Variants in SRGAP1 observed in about 807,000 individuals in gnomAD.
SRGAP1 encodes SLIT-ROBO Rho GTPase-activating protein 1.
A neutral mutation model predicts 121.9 loss-of-function variants in SRGAP1; 43 were observed. The observed-to-expected ratio is 0.35, with a 90% CI of 0.28 to 0.46. The LOEUF is 0.46. Among genes scored for constraint, SRGAP1 ranks in the 20% least tolerant of loss-of-function variants. The probability of loss-of-function intolerance (pLI) is 1.00; values close to 1 mark genes in which losing one functional copy is unlikely to be tolerated. For missense variants in SRGAP1, 1,102 were observed against 1,350.9 expected (o/e 0.82, Z 2.89); for synonymous variants, 447 against 485.4 (o/e 0.92, Z 1.04).
intron 3 of SRGAP1, among the ~76,000 whole-genome samples, chr12:64,012,176 G>A (rs987090135): frequency 2.6e-5 from 4 of 152,140 alleles, no homozygotes; most frequent in Admixed American, 2.6e-4. Context: ...AAAACTTTGA[G>A]ACTGTTCATT....
intron 3 of SRGAP1, among the ~76,000 whole-genome samples, chr12:63,993,029 T>G (rs904520803): frequency 6.6e-6 from 1 of 152,210 alleles, no homozygotes; most frequent in African/African-American, 2.4e-5. Context: ...TCTGTGTTAT[T>G]GCTGGAAGAG....
At chr12:64,118,694 A>G (rs1288263887) in intron 18 of SRGAP1, among the ~76,000 whole-genome samples, 2 of 151,262 alleles carry the variant, frequency 1.3e-5, no homozygotes, top group African/African-American at 4.9e-5. Flanking sequence ...GGCTGTTTAT[A>G]TGTCTTCTTT....
chr12:63,946,598 C>T (rs2032056738), intron 1 of SRGAP1, among the ~76,000 whole-genome samples: 1 of 150,576 alleles, frequency 6.6e-6, no homozygotes, highest in South Asian at 2.1e-4. Context: ...CGCTGGAGTG[C>T]AGTGGTGGGA....
chr12:64,095,330 A>C (rs1170557165), intron 14 of SRGAP1, 126 bp downstream of exon 14: 1 of 732,040 alleles, frequency 1.4e-6, no homozygotes, highest in African/African-American at 1.8e-5. Context: ...TTAGGGGTGC[A>C]GCAGTAAGAA....
intron 1 of SRGAP1, among the ~76,000 whole-genome samples, chr12:63,939,695 CAGG>C (rs1344769260): frequency 6.6e-6 from 1 of 152,136 alleles, no homozygotes; most frequent in Non-Finnish European, 1.5e-5. Flanking sequence ...AGTTGTTTCT[CAGG>C]AGAAGAAGAA....
intron 3 of SRGAP1, among the ~76,000 whole-genome samples, chr12:63,999,634 A>G (rs1232630116): frequency 6.6e-6 from 1 of 152,140 alleles, no homozygotes; most frequent in Admixed American, 6.6e-5. Flanking sequence ...TAGGCGTCAT[A>G]TGAGAGGAGA....
intron 1 of SRGAP1, among the ~76,000 whole-genome samples, chr12:63,891,963 G>A (rs1473530520): frequency 6.8e-6 from 1 of 146,064 alleles, no homozygotes; most frequent in Non-Finnish European, 1.5e-5. Context: ...TCCATCCTGG[G>A]CCACAGAGCA....
rs1267605177 is a variant in SRGAP1 at position 64,150,950 on chromosome 12, A to AAAAAAAAAC, written c.*8286_*8287insCAAAAAAAA. ...AAGCTATCTCAAAAAAAAAAAAAAA[A>AAAAAAAAAC]AAAAAAAAAACATGGTCAAGATTTG... On this transcript the variant is annotated 3_prime_UTR_variant, in exon 22 of 22. Transcript: ENST00000355086. 1 of 148,466 alleles carries AAAAAAAAAC rather than the reference A, an allele frequency of 6.7e-6. No homozygotes were observed. Among genetic ancestry groups the AAAAAAAAAC allele is most frequent in the East Asian group, 2.0e-4 (1 of 5,104 alleles). The allele number at this position is 148,466 out of a possible 1,614,324, so 9.2% of individuals were successfully genotyped here.
chr12:64,064,078 C>T (rs529363633), intron 7 of SRGAP1, among the ~76,000 whole-genome samples: 36 of 152,136 alleles, frequency 2.4e-4, no homozygotes, highest in Non-Finnish European at 5.0e-4. Flanking sequence ...CCCATCTTTC[C>T]AAAACCAAAT....
chr12:63,969,558 C>T (rs906676187), intron 1 of SRGAP1, among the ~76,000 whole-genome samples: 1 of 152,062 alleles, frequency 6.6e-6, no homozygotes, highest in Non-Finnish European at 1.5e-5. Context: ...CTTTGGGAGG[C>T]CAAGGCAGGC....
intron 1 of SRGAP1, among the ~76,000 whole-genome samples, chr12:63,960,388 T>C (rs1296722899): frequency 6.6e-6 from 1 of 152,068 alleles, no homozygotes; most frequent in Non-Finnish European, 1.5e-5. Flanking sequence ...GCTTCTCTTT[T>C]CTTCTCTACT....
chr12:64,134,888 A>G (rs1315010821), intron 21 of SRGAP1, among the ~76,000 whole-genome samples: 1 of 152,110 alleles, frequency 6.6e-6, no homozygotes, highest in Non-Finnish European at 1.5e-5. Context: ...TTCATGGGTC[A>G]CACTCTCAAC....
intron 1 of SRGAP1, among the ~76,000 whole-genome samples, chr12:63,884,953 C>T (rs1486454283): frequency 6.6e-6 from 1 of 152,052 alleles, no homozygotes; most frequent in African/African-American, 2.4e-5. Context: ...ATCTCCTGAC[C>T]TCGTGATCCG....
At chr12:64,138,446 C>CTTTTTTTTT (rs60769104) in intron 21 of SRGAP1, among the ~76,000 whole-genome samples, 2 of 78,672 alleles carry the variant, frequency 2.5e-5, no homozygotes, top group African/African-American at 5.6e-5. Context: ...AATAAATTGA[C>CTTTTTTTTT]TTTTTTTTTT....
At chr12:64,100,763 T>G (rs1438755296) in intron 15 of SRGAP1, among the ~76,000 whole-genome samples, 2 of 152,212 alleles carry the variant, frequency 1.3e-5, no homozygotes, top group East Asian at 3.8e-4. Context: ...AGAGGATTCT[T>G]GGATGTTATT....
chr12:64,115,881 A>G lies in SRGAP1; in HGVS notation c.2212A>G (p.Thr738Ala). The part of the protein sequence containing the change: ...VDQDAGTEPH[T>A]SEDECEPIEA... ...CCAAGATGCTGGTACAGAGCCCCAC[A>G]CAAGTGAAGATGGTATGCTCTCCCC... The change falls in exon 18 of 22, where the codon ACA becomes GCA. Residue 738 changes from threonine (T) to alanine (A), a missense_variant. By Grantham distance (58) the Thr-to-Ala change is moderately conservative. Around this residue, in one of 3 missense-constraint regions of SRGAP1, gnomAD observed 747 missense variants for 929.4 expected, o/e 0.80. Coordinates refer to ENST00000355086, the MANE Select transcript of SRGAP1 (RefSeq NM_020762.4). The G allele has an allele frequency of 6.2e-7, 1 of 1,612,584 alleles. No individual in the cohort carries two copies. The highest frequency in any genetic ancestry group is 8.5e-7 in the Non-Finnish European group (1 of 1,179,180).
intron 1 of SRGAP1, among the ~76,000 whole-genome samples, chr12:63,891,411 T>A (rs909911823): frequency 2.0e-5 from 3 of 152,218 alleles, no homozygotes. Flanking sequence ...CCATTTCTCT[T>A]GAAGTTATTT....
At position 64,146,176 on chromosome 12, in the gene SRGAP1, A is replaced by G. The variant is rs911380355; in HGVS notation, c.*3504A>G. 1 of 152,186 alleles carries G rather than the reference A, an allele frequency of 6.6e-6. No individual in the cohort carries two copies. Among genetic ancestry groups the G allele is most frequent in the Non-Finnish European group, 1.5e-5 (1 of 68,042 alleles). 9.4% of individuals were successfully genotyped at this position (152,186 alleles called of 1,614,324 possible). A position where few individuals can be genotyped will look rare whatever the true frequency, so the allele number is the denominator to read the frequency against. ...TTTGTAGAGCTCCATGTTCACGTTC[A>G]GTGTCAACACCATTCAACAGCTTTG... is the stretch of plus-strand genomic sequence containing the variant. On this transcript the variant is annotated 3_prime_UTR_variant, in exon 22 of 22. Transcript: ENST00000355086.
chr12:63,977,987 ATAT>A (rs2033137906), intron 1 of SRGAP1, among the ~76,000 whole-genome samples: 1 of 152,082 alleles, frequency 6.6e-6, no homozygotes, highest in African/African-American at 2.4e-5. Flanking sequence ...GTCTTTCCTA[ATAT>A]TCTATTAGGT....
Sources: allele counts gnomAD v4.1 joint callset (sites outside exome capture counted in the v4.1 genomes callset), GRCh38; gene constraint gnomAD v4.1.1; regional missense constraint gnomAD v4.1.1; transcripts MANE v1.5; gene names NCBI Gene and HGNC (gene_info 2026-07-23, HGNC 2026-07-21).